C4orf50: variants seen among roughly 807,000 people sequenced by gnomAD.
The protein encoded by C4orf50 is uncharacterized protein C4orf50.
Under a neutral mutation model 77.2 loss-of-function variants are expected in C4orf50, and 80 were observed. The ratio of observed to expected loss-of-function variants is 1.04; its 90% CI spans 0.87 to 1.25. C4orf50 has a LOEUF of 1.25. Among genes scored for constraint, C4orf50 ranks in the 50% most tolerant of loss-of-function variants. C4orf50 has a pLI of 0.00. For missense variants in C4orf50, 1,257 were observed against 1,152.9 expected, an observed-to-expected ratio of 1.09 and a Z score of -1.31; for synonymous variants, 532 against 465.3, an observed-to-expected ratio of 1.14 and a Z score of -1.84.
At chr4:5,944,408 G>C (rs1718395571) in intron 7 of C4orf50, among the ~76,000 whole-genome samples, 1 of 152,122 alleles carries the variant, frequency 6.6e-6, no homozygotes, top group Admixed American at 6.5e-5. Flanking sequence ...ACTATCCTGT[G>C]CTCCCTGGCA....
At chr4:5,995,884 C>A (rs138062810) in intron 25 of C4orf50, among the ~76,000 whole-genome samples, 1 of 152,310 alleles carries the variant, frequency 6.6e-6, no homozygotes, top group African/African-American at 2.4e-5. Flanking sequence ...GGGAAGTGCC[C>A]TGTCCCCTTC....
intron 32 of C4orf50, among the ~76,000 whole-genome samples, chr4:5,965,986 G>A (rs188913872): frequency 6.2e-4 from 95 of 152,248 alleles, no homozygotes; most frequent in African/African-American, 2.1e-3. Context: ...ACGTTTTATC[G>A]TGCACCTGAT....
intron 29 of C4orf50, among the ~76,000 whole-genome samples, chr4:5,979,192 T>A (rs1000460125): frequency 6.6e-6 from 1 of 152,204 alleles, no homozygotes; most frequent in Non-Finnish European, 1.5e-5. Context: ...TGCTAGAAAT[T>A]TGCCATTTAG....
downstream of C4orf50, among the ~76,000 whole-genome samples, chr4:5,955,347 G>T (rs1033698361): frequency 6.6e-6 from 1 of 152,084 alleles, no homozygotes; most frequent in Non-Finnish European, 1.5e-5. The surrounding 1 kb of genome is among the most constrained non-coding windows in gnomAD (Gnocchi z 5.1). Context: ...AAAGCCAGGC[G>T]GGGGTGTGTG....
Position 5,958,384 on chromosome 4 carries a change from A to G in C4orf50, c.*991T>C, listed in dbSNP as rs1719087330. The G allele has an allele frequency of 6.6e-6, 1 of 152,158 alleles. No homozygotes were observed. The highest frequency in any genetic ancestry group is 1.5e-5 in the Non-Finnish European group (1 of 68,068). The allele number at this position is 152,158 out of a possible 1,614,324, so 9.4% of individuals were successfully genotyped here. On this transcript the variant is annotated 3_prime_UTR_variant, in exon 34 of 34. Transcript: ENST00000531445. This position sits in a 1 kb window ranked among gnomAD's most constrained non-coding sequence, Gnocchi z 5.4. ...CTTTGCCCACTTCCCCTCCAGGGGC[A>G]CATCCACAGTTCAGTTTTATGCCTC...
At chr4:5,898,585 T>A (rs927101422) in intron 7 of C4orf50, 2 of 152,228 alleles carry the variant, frequency 1.3e-5, no homozygotes, top group Non-Finnish European at 2.9e-5. Context: ...ACAGACCTTG[T>A]CCTTTTCCAC....
At chr4:5,972,000 T>C (rs1405866559) in intron 31 of C4orf50, among the ~76,000 whole-genome samples, 2 of 139,880 alleles carry the variant, frequency 1.4e-5, no homozygotes, top group Non-Finnish European at 3.0e-5. Context: ...CCTGGAACTC[T>C]GCTTTCGATT....
Position 5,970,859 on chromosome 4 carries a change from G to T in C4orf50, c.4104+2800C>A, listed in dbSNP as rs547249228. 6.6e-6 allele frequency among the ~76,000 whole-genome samples: 1 copy of T among 152,326 alleles called. No homozygotes were observed. Among genetic ancestry groups the T allele is most frequent in the East Asian group, 1.9e-4 (1 of 5,164 alleles). On this transcript the variant is annotated intron_variant, in intron 31 of 33. Coordinates refer to ENST00000531445, the Ensembl canonical transcript of C4orf50. This position sits in a 1 kb window ranked among gnomAD's most constrained non-coding sequence, Gnocchi z 4.3. ...GGTCCCCCGTGGAGCCTAGCAGCAG[G>T]ATGCTGGGAGGGTGGAGTAAGCAGA...
Position 5,932,015 on chromosome 4 carries a change from C to T in C4orf50, c.*2474+24886G>A, listed in dbSNP as rs983381712. The stretch of plus-strand genomic sequence containing the variant: ...CTCAGTATTTACGGAGAGTTGTCAC[C>T]TGACCCCAAAATGCTAAGCTCTTCC... On this transcript the variant is annotated intron_variant, in intron 7 of 7. Coordinates refer to the C4orf50 transcript ENST00000324058. The surrounding 1 kb of genome is among the most constrained non-coding windows in gnomAD (Gnocchi z 4.2). Among the ~76,000 whole-genome samples the T allele has an allele frequency of 3.3e-5, 5 of 152,156 alleles. No individual in the cohort carries two copies. The highest frequency in any genetic ancestry group is 7.4e-5 in the Non-Finnish European group (5 of 67,996).
At chr4:5,945,782 G>C (rs766933231) in intron 7 of C4orf50, among the ~76,000 whole-genome samples, 7 of 152,154 alleles carry the variant, frequency 4.6e-5, no homozygotes, top group Non-Finnish European at 1.0e-4. Flanking sequence ...CCTGGGCTGG[G>C]CTGGACCCTG....
rs536815781 is a variant in C4orf50, at chr4:6,011,338, G to A, written c.426+492C>T. Among the ~76,000 whole-genome samples the A allele has an allele frequency of 2.6e-5, 4 of 152,146 alleles. No individual in the cohort carries two copies. The highest frequency in any genetic ancestry group is 1.9e-4 in the East Asian group (1 of 5,158). On this transcript the variant is annotated intron_variant, in intron 24 of 33. Coordinates refer to ENST00000531445, the Ensembl canonical transcript of C4orf50. This position sits in a 1 kb window ranked among gnomAD's most constrained non-coding sequence, Gnocchi z 4.2. ...GTGTTCTCCCACACCTCTGTGCTAC[G>A]GCCCCGTGCTGTCAGCCACGCCTCA...
rs990275459 is a variant in C4orf50, at chr4:5,900,657, G to T, written c.*2475-2469C>A. 6.6e-6 allele frequency: 1 copy of T among 152,254 alleles called. No individual in the cohort carries two copies. Among genetic ancestry groups the T allele is most frequent in the Non-Finnish European group, 1.5e-5 (1 of 68,048 alleles). The allele number at this position is 152,254 out of a possible 1,614,324, so 9.4% of individuals were successfully genotyped here. ...CCCCATGGCACGGTTGGAGAATACT[G>T]CATAATGACATCCGAACCACGTTCA... On this transcript the variant is annotated intron_variant, in intron 7 of 7. Coordinates refer to the C4orf50 transcript ENST00000324058. The surrounding 1 kb of genome is among the most constrained non-coding windows in gnomAD (Gnocchi z 4.3).
chr4:6,013,328 C>T (rs1722557429), intron 23 of C4orf50, among the ~76,000 whole-genome samples: 4 of 152,042 alleles, frequency 2.6e-5, no homozygotes, highest in South Asian at 2.1e-4. Context: ...GAGCACTTTC[C>T]GATGAGTTAT....
intron 7 of C4orf50, among the ~76,000 whole-genome samples, chr4:5,921,355 G>A (rs1339668433): frequency 1.3e-5 from 2 of 152,224 alleles, no homozygotes; most frequent in Non-Finnish European, 2.9e-5. Context: ...GCGGTGGGCT[G>A]GGGGAGGAGC....
chr4:5,999,066 A>G (rs1577984933), intron 25 of C4orf50, among the ~76,000 whole-genome samples: 1 of 152,182 alleles, frequency 6.6e-6, no homozygotes, highest in Non-Finnish European at 1.5e-5. Flanking sequence ...CCTCCAGACT[A>G]CAGGTTTGTG....
chr4:5,990,649 G>A (rs1347290864), exon 28 of C4orf50: 3 of 399,226 alleles, frequency 7.5e-6, no homozygotes, highest in East Asian at 3.6e-5. Context: ...CCCCCAGAGA[G>A]GGAGTGCGGA....
rs898140521 is a variant in C4orf50, at chr4:5,919,164, C to T, written c.*2475-20976G>A. The stretch of plus-strand genomic sequence containing the variant: ...CTGGGGTGTGGGGGCAACGTCAGAT[C>T]GCAGGACTCCTCTCTCATTCAGGGC... On this transcript the variant is annotated intron_variant, in intron 7 of 7. Coordinates refer to the C4orf50 transcript ENST00000324058. The surrounding 1 kb of genome is among the most constrained non-coding windows in gnomAD (Gnocchi z 6.5). 1.3e-5 allele frequency among the ~76,000 whole-genome samples: 2 copies of T among 152,108 alleles called. No individual in the cohort carries two copies. The highest frequency in any genetic ancestry group is 6.5e-5 in the Admixed American group (1 of 15,268).
intron 28 of C4orf50, among the ~76,000 whole-genome samples, chr4:5,981,431 T>C (rs1359776352): frequency 7.2e-6 from 1 of 138,274 alleles, no homozygotes; most frequent in Non-Finnish European, 1.5e-5. Flanking sequence ...TGAGATGGAG[T>C]TTCGCTTTTG....
rs184301123 is a variant in C4orf50 at position 5,906,758 on chromosome 4, T to C, written c.*2475-8570A>G. On this transcript the variant is annotated intron_variant, in intron 7 of 7. Transcript: ENST00000324058. Reference sequence around the variant, plus strand: ...CAACCTACTCAGGGCATTGTTCGTGTAGGTGTCTTTAGTCTCCTTCTCAAA... The same window carrying C: ...CAACCTACTCAGGGCATTGTTCGTGCAGGTGTCTTTAGTCTCCTTCTCAAA... Among the ~76,000 whole-genome samples the C allele has an allele frequency of 1.1e-3, 164 of 152,338 alleles. 1 individual carries two copies. The highest frequency in any genetic ancestry group is 3.9e-3 in the African/African-American group (162 of 41,570).
Sources: allele counts gnomAD v4.1 joint callset (sites outside exome capture counted in the v4.1 genomes callset), GRCh38; gene constraint gnomAD v4.1.1; non-coding constraint Gnocchi (gnomAD v3.1); transcripts MANE v1.5; gene names NCBI Gene and HGNC (gene_info 2026-07-23, HGNC 2026-07-21).